EYA3: variants seen among roughly 807,000 people sequenced by gnomAD.
The protein encoded by EYA3 is EYA transcriptional coactivator and phosphatase 3.
EYA3 carries 39 observed loss-of-function variants against 80.0 expected under a neutral mutation model. The ratio of observed to expected loss-of-function variants is 0.49; its 90% confidence interval spans 0.38 to 0.64. The LOEUF (loss-of-function observed/expected upper bound fraction) is 0.64. Ranked by LOEUF, EYA3 falls within the 30% of genes least tolerant of loss-of-function variation. The pLI is 0.00. For missense variants in EYA3, 523 were observed against 676.1 expected (o/e 0.77, Z 2.51); for synonymous variants, 206 against 232.8 (o/e 0.88, Z 1.05).
intron 6 of EYA3, chr1:28,032,291 T>C (rs929642340): frequency 1.3e-5 from 2 of 152,222 alleles, no homozygotes; most frequent in South Asian, 4.1e-4. Flanking sequence ...CCCTAAATAT[T>C]TTTTAAGAAG....
intron 5 of EYA3, among the ~76,000 whole-genome samples, chr1:28,035,930 T>TC (rs1481404394): frequency 6.6e-6 from 1 of 152,188 alleles, no homozygotes; most frequent in Non-Finnish European, 1.5e-5. Flanking sequence ...TTCTTCTGCC[T>TC]CAGCCTCCCA....
intron 1 of EYA3, among the ~76,000 whole-genome samples, chr1:28,073,577 G>A (rs1255785433): frequency 6.6e-6 from 1 of 151,990 alleles, no homozygotes; most frequent in East Asian, 1.9e-4. Flanking sequence ...TGGGATTACA[G>A]GTGTGAGCCA....
chr1:28,028,491 A>G (rs1642919673), intron 6 of EYA3, among the ~76,000 whole-genome samples: 1 of 152,032 alleles, frequency 6.6e-6, no homozygotes, highest in Non-Finnish European at 1.5e-5. Context: ...CATAATTTAG[A>G]AAAAAAATAC....
chr1:28,082,946 A>G (rs559256750), intron 1 of EYA3, among the ~76,000 whole-genome samples: 17 of 152,274 alleles, frequency 1.1e-4, no homozygotes, highest in Admixed American at 1.1e-3. Context: ...AAGGTTTGCA[A>G]TTTGCCTTAA....
chr1:28,058,071 GTCTC>G lies in EYA3; in HGVS notation c.-49_-46del. On this transcript the variant is annotated 5_prime_UTR_variant, in exon 2 of 18. Transcript: ENST00000373871. The stretch of plus-strand genomic sequence containing the variant: ...TTATACTTATGTGACTGGATTGCAA[GTCTC>G]TCTCAGCAGTTTTCACAATCTGTTT... The G allele has an allele frequency of 1.3e-6, 2 of 1,504,194 alleles. No homozygotes were observed. Among genetic ancestry groups the G allele is most frequent in the African/African-American group, 1.4e-5 (1 of 72,638 alleles). The allele number at this position is 1,504,194 out of a possible 1,614,324, so 93.2% of individuals were successfully genotyped here.
intron 7 of EYA3, among the ~76,000 whole-genome samples, chr1:28,020,414 A>G (rs1642351810): frequency 6.6e-6 from 1 of 152,210 alleles, no homozygotes; most frequent in Non-Finnish European, 1.5e-5. Context: ...CATTAAGTAT[A>G]TCAGGGTCAA....
intron 12 of EYA3, chr1:27,998,242 C>T: frequency 1.2e-6 from 1 of 804,500 alleles, no homozygotes; most frequent in African/African-American, 1.9e-5. Flanking sequence ...TAAGAAGCTC[C>T]CCAGGTGATT....
intron 13 of EYA3, among the ~76,000 whole-genome samples, chr1:27,996,844 T>C (rs1433222675): frequency 6.6e-6 from 1 of 152,208 alleles, no homozygotes; most frequent in Non-Finnish European, 1.5e-5. Context: ...AGCAAGCATT[T>C]TGCCACTGAG....
chr1:28,062,659 TGTG>T (rs1644675272), intron 1 of EYA3, among the ~76,000 whole-genome samples: 1 of 132,072 alleles, frequency 7.6e-6, no homozygotes, highest in African/African-American at 3.0e-5. Flanking sequence ...TATATGTAGG[TGTG>T]TGTGTGTGTG....
At chr1:28,064,085 T>C (rs3753864) in intron 1 of EYA3, among the ~76,000 whole-genome samples, 26,866 of 152,180 alleles carry the variant, frequency 0.18, 2,441 homozygotes, top group East Asian at 0.25. Flanking sequence ...GGCTTAATTA[T>C]TGGTATACAA....
At chr1:28,015,730 T>C (rs1050354026) in intron 8 of EYA3, among the ~76,000 whole-genome samples, 1 of 152,114 alleles carries the variant, frequency 6.6e-6, no homozygotes, top group African/African-American at 2.4e-5. Context: ...TTGGAGACGA[T>C]AGCAAAAAGC....
At chr1:28,020,881 G>A (rs891808967) in intron 7 of EYA3, among the ~76,000 whole-genome samples, 9 of 152,212 alleles carry the variant, frequency 5.9e-5, no homozygotes, top group Middle Eastern at 3.4e-3. Context: ...ATGGTCAACT[G>A]TTTTTGGACA....
intron 1 of EYA3, among the ~76,000 whole-genome samples, chr1:28,071,770 T>C (rs191383680): frequency 6.6e-6 from 1 of 152,336 alleles, no homozygotes; most frequent in East Asian, 1.9e-4. Flanking sequence ...TTTTGGCTGC[T>C]GCATCAAAAG....
intron 16 of EYA3, among the ~76,000 whole-genome samples, chr1:27,987,500 CAG>C (rs1341862875): frequency 6.6e-6 from 1 of 152,154 alleles, no homozygotes; most frequent in Non-Finnish European, 1.5e-5. Flanking sequence ...CCAATTCTCT[CAG>C]ATATTTACGC....
Position 27,971,949 on chromosome 1 carries a change from C to T in EYA3, c.*2517G>A, listed in dbSNP as rs530819420. The stretch of plus-strand genomic sequence containing the variant: ...ATGAGCAAAGACTGCTCTGCTCAGC[C>T]TCCTTACCTCTCTTGGCCAAGTTCA... On this transcript the variant is annotated 3_prime_UTR_variant, in exon 18 of 18. Coordinates refer to ENST00000373871, the MANE Select transcript of EYA3 (RefSeq NM_001990.4). 1.3e-5 allele frequency: 2 copies of T among 152,348 alleles called. No homozygotes were observed. Among genetic ancestry groups the T allele is most frequent in the Admixed American group, 1.3e-4 (2 of 15,308 alleles). The allele number at this position is 152,348 out of a possible 1,614,324, so 9.4% of individuals were successfully genotyped here. A position where few individuals can be genotyped will look rare whatever the true frequency, so the allele number is the denominator to read the frequency against.
At chr1:28,083,849 T>C (rs1239621437) in intron 1 of EYA3, among the ~76,000 whole-genome samples, 2 of 152,338 alleles carry the variant, frequency 1.3e-5, no homozygotes, top group Non-Finnish European at 2.9e-5. Flanking sequence ...TGGTACAATA[T>C]TACCTAGCCA....
At chr1:28,002,185 G>T (rs984517758) in intron 11 of EYA3, among the ~76,000 whole-genome samples, 1 of 152,064 alleles carries the variant, frequency 6.6e-6, no homozygotes, top group Admixed American at 6.6e-5. Flanking sequence ...AAAGTGCTGG[G>T]ATTACAGGTG....
chr1:28,046,058 T>C (rs897200667), intron 3 of EYA3, among the ~76,000 whole-genome samples: 3 of 152,180 alleles, frequency 2.0e-5, no homozygotes, highest in Non-Finnish European at 4.4e-5. Context: ...GTCACAATCA[T>C]GCAGACAGAA....
At chr1:28,062,695 CTGTT>C (rs1376518530) in intron 1 of EYA3, among the ~76,000 whole-genome samples, 3 of 93,744 alleles carry the variant, frequency 3.2e-5, no homozygotes, top group Non-Finnish European at 5.0e-5. Context: ...TGTGTGTGTT[CTGTT>C]TGTTTAAAAG....
Sources: allele counts gnomAD v4.1 joint callset (sites outside exome capture counted in the v4.1 genomes callset), GRCh38; gene constraint gnomAD v4.1.1; transcripts MANE v1.5; gene names NCBI Gene and HGNC (gene_info 2026-07-23, HGNC 2026-07-21).